NUBPL: variants seen among roughly 807,000 people sequenced by gnomAD.
NUBPL encodes NUBP iron-sulfur cluster assembly factor, mitochondrial.
NUBPL carries 31 observed loss-of-function variants against 45.7 expected under a neutral mutation model. The ratio of observed to expected loss-of-function variants is 0.68; its 90% confidence interval spans 0.51 to 0.92. The LOEUF (loss-of-function observed/expected upper bound fraction) is 0.92. Ranked by LOEUF, NUBPL falls within the 40% of genes least tolerant of loss-of-function variation. NUBPL has a pLI of 0.00. For missense variants in NUBPL, 401 were observed against 398.7 expected (o/e 1.01, Z -0.05); for synonymous variants, 144 against 140.9 (o/e 1.02, Z -0.15).
intron 7 of NUBPL, among the ~76,000 whole-genome samples, chr14:31,813,062 C>T (rs1262324761): frequency 6.7e-6 from 1 of 148,676 alleles, no homozygotes; most frequent in East Asian, 2.0e-4. Flanking sequence ...TATCTCGGCT[C>T]ACTGCAAGCC....
chr14:31,663,745 A>C (rs1437584191), intron 4 of NUBPL, among the ~76,000 whole-genome samples: 1 of 152,130 alleles, frequency 6.6e-6, no homozygotes, highest in African/African-American at 2.4e-5. Flanking sequence ...TCCATATGAA[A>C]TATAAAGTAG....
chr14:31,667,451 T>C (rs954038905), intron 4 of NUBPL, among the ~76,000 whole-genome samples: 1 of 152,078 alleles, frequency 6.6e-6, no homozygotes, highest in South Asian at 2.1e-4. Context: ...GCCCTTCCTG[T>C]AACCTTTTAT....
At chr14:31,621,141 G>C (rs940351290) in intron 4 of NUBPL, among the ~76,000 whole-genome samples, 1 of 152,148 alleles carries the variant, frequency 6.6e-6, no homozygotes, top group Non-Finnish European at 1.5e-5. Context: ...CCCTACGAAG[G>C]TCGAGCGTCC....
chr14:31,589,905 T>C (rs1338364347), intron 3 of NUBPL, among the ~76,000 whole-genome samples: 3 of 152,234 alleles, frequency 2.0e-5, no homozygotes, highest in Non-Finnish European at 4.4e-5. Context: ...TTTAAAAATT[T>C]CTTTCAGTAA....
Position 31,826,719 on chromosome 14 carries a change from G to A in NUBPL, c.693+5G>A. Reference sequence around the variant, plus strand: ...TTTCGCAGAGTCCACGTGCCCGTAAGCGTTTACAGCTTCACTGTGAAAAAT... The same window carrying A: ...TTTCGCAGAGTCCACGTGCCCGTAAACGTTTACAGCTTCACTGTGAAAAAT... On this transcript the variant is annotated splice_donor_5th_base_variant and intron_variant, in intron 8 of 10. Coordinates refer to ENST00000281081, the MANE Select transcript of NUBPL (RefSeq NM_025152.3). 2 of 1,612,368 alleles carry A rather than the reference G, an allele frequency of 1.2e-6. No homozygotes were observed. The highest frequency in any genetic ancestry group is 1.1e-5 in the South Asian group (1 of 91,058).
At chr14:31,854,817 C>T (rs1372555220) in intron 10 of NUBPL, among the ~76,000 whole-genome samples, 1 of 152,212 alleles carries the variant, frequency 6.6e-6, no homozygotes, top group Non-Finnish European at 1.5e-5. Flanking sequence ...GATTTCCCAA[C>T]ACAATGCCTT....
intron 4 of NUBPL, among the ~76,000 whole-genome samples, chr14:31,621,245 A>G (rs1029598090): frequency 1.3e-5 from 2 of 152,130 alleles, no homozygotes; most frequent in Non-Finnish European, 2.9e-5. Flanking sequence ...GCCGAGCCAG[A>G]CCACTTGGCT....
At chr14:31,740,456 G>T (rs961576912) in intron 6 of NUBPL, among the ~76,000 whole-genome samples, 8 of 152,084 alleles carry the variant, frequency 5.3e-5, no homozygotes, top group Admixed American at 4.6e-4. Flanking sequence ...ATCTTATTTG[G>T]TGAGATGTAT....
intron 4 of NUBPL, among the ~76,000 whole-genome samples, chr14:31,626,757 A>G (rs1010725427): frequency 3.3e-5 from 5 of 152,240 alleles, no homozygotes; most frequent in Admixed American, 6.5e-5. Context: ...TAAATAGAGC[A>G]TAACAACATA....
chr14:31,564,995 CTTTT>C lies in NUBPL; in HGVS notation c.257-15_257-12del. The C allele has an allele frequency of 6.8e-7, 1 of 1,468,470 alleles. No homozygotes were observed. Among genetic ancestry groups the C allele is most frequent in the Non-Finnish European group, 9.4e-7 (1 of 1,061,790 alleles). 91.0% of individuals were successfully genotyped at this position (1,468,470 alleles called of 1,614,324 possible). A position where few individuals can be genotyped will look rare whatever the true frequency, so the allele number is the denominator to read the frequency against. Reference sequence around the variant, plus strand: ...GAAGGAAAGTTACTAAATTCAATTACTTTTTTTGTTTCTTACAGTGAATCTTGCA... The same window carrying C: ...GAAGGAAAGTTACTAAATTCAATTACTTTGTTTCTTACAGTGAATCTTGCA... On this transcript the variant is annotated splice_polypyrimidine_tract_variant and intron_variant, in intron 2 of 10. Transcript: ENST00000281081.
At chr14:31,680,706 A>C (rs1210827368) in intron 6 of NUBPL, among the ~76,000 whole-genome samples, 1 of 151,482 alleles carries the variant, frequency 6.6e-6, no homozygotes, top group Non-Finnish European at 1.5e-5. Flanking sequence ...ATTCGCATAC[A>C]ATCTACACTC....
intron 6 of NUBPL, among the ~76,000 whole-genome samples, chr14:31,786,280 A>G (rs17098192): frequency 0.051 from 7,791 of 152,332 alleles, 691 homozygotes; most frequent in African/African-American, 0.18. Context: ...GTTTAAAAAA[A>G]TCAAGTCTTT....
chr14:31,838,920 G>A (rs1373893481), intron 8 of NUBPL, among the ~76,000 whole-genome samples: 1 of 152,086 alleles, frequency 6.6e-6, no homozygotes, highest in Non-Finnish European at 1.5e-5. Context: ...TGGGTCTATA[G>A]CCCTACCATT....
At chr14:31,830,849 A>G (rs997418163) in intron 8 of NUBPL, among the ~76,000 whole-genome samples, 1 of 152,114 alleles carries the variant, frequency 6.6e-6, no homozygotes, top group Non-Finnish European at 1.5e-5. Context: ...TCTCTGTGCC[A>G]CAGCCAAACT....
chr14:31,648,092 G>A (rs1240381159), intron 4 of NUBPL, among the ~76,000 whole-genome samples: 4 of 152,090 alleles, frequency 2.6e-5, no homozygotes, highest in African/African-American at 9.7e-5. Flanking sequence ...TTTTTCTGTT[G>A]TATCTTTTCT....
chr14:31,711,737 C>T (rs149438693), intron 6 of NUBPL, among the ~76,000 whole-genome samples: 1,635 of 152,110 alleles, frequency 0.011, 23 homozygotes, highest in African/African-American at 0.037. Context: ...TGCAGACCTT[C>T]GCGGTGAGTG....
chr14:31,760,144 T>TGTGTGTGTGTGTGAGAGAGAGAGAGAGA, intron 6 of NUBPL, among the ~76,000 whole-genome samples: 26 of 34,820 alleles, frequency 7.5e-4, no homozygotes, highest in African/African-American at 1.3e-3. Flanking sequence ...TGTGTGTGTG[T>TGTGTGTGTGTGTGAGAGAGAGAGAGAGA]GAGAGAGAGA....
At chr14:31,801,211 C>T (rs772630947) in intron 7 of NUBPL, 2 of 152,240 alleles carry the variant, frequency 1.3e-5, no homozygotes, top group Non-Finnish European at 2.9e-5. Context: ...TTTCTCCTCC[C>T]ACAGTCTCAT....
chr14:31,805,676 G>T (rs2039671565), intron 7 of NUBPL, among the ~76,000 whole-genome samples: 1 of 152,064 alleles, frequency 6.6e-6, no homozygotes, highest in Non-Finnish European at 1.5e-5. Context: ...AACACCCCAT[G>T]TTCTCACTTA....
Sources: allele counts gnomAD v4.1 joint callset (sites outside exome capture counted in the v4.1 genomes callset), GRCh38; gene constraint gnomAD v4.1.1; transcripts MANE v1.5; gene names NCBI Gene and HGNC (gene_info 2026-07-23, HGNC 2026-07-21).